RRP9: variants seen among roughly 807,000 people sequenced by gnomAD.
RRP9 encodes the protein ribosomal RNA processing 9, U3 small nucleolar RNA binding protein.
Under a neutral mutation model 65.5 loss-of-function variants are expected in RRP9, and 35 were observed. The observed-to-expected ratio is 0.53, with a 90% CI of 0.41 to 0.71. The LOEUF is 0.71. Among genes scored for constraint, RRP9 ranks in the 30% least tolerant of loss-of-function variants. The probability of loss-of-function intolerance (pLI) is 0.00; values close to 1 mark genes in which losing one functional copy is unlikely to be tolerated. For synonymous variants in RRP9, 254 were observed against 245.0 expected, an observed-to-expected ratio of 1.04 and a Z score of -0.34; for missense variants, 533 against 633.6, an observed-to-expected ratio of 0.84 and a Z score of 1.70.
At chr3:51,941,261 G>T in intron 2 of RRP9, 148 bp downstream of exon 2, 1 of 734,604 alleles carries the variant, frequency 1.4e-6, no homozygotes, top group Non-Finnish European at 2.3e-6. Flanking sequence ...AGACTTTGCA[G>T]GACCAGAAAC....
In RRP9 at chr3:51,934,586, C is replaced by T. The variant is rs373727974; in HGVS notation, c.1181-35G>A. The stretch of plus-strand genomic sequence containing the variant: ...CTGGAACAGTGAGCAACCCCTGCAC[C>T]GGCCCACCCGGCGACCCCTCCTCCC... On this transcript the variant is annotated intron_variant, in intron 12 of 14. Transcript: ENST00000232888. The surrounding 1 kb of genome is among the most constrained non-coding windows in gnomAD (Gnocchi z 4.1). 1.0e-4 allele frequency: 164 copies of T among 1,613,528 alleles called. No homozygotes were observed. The highest frequency in any genetic ancestry group is 5.0e-4 in the Middle Eastern group (3 of 6,058).
chr3:51,933,754 A>G lies in RRP9; in HGVS notation c.1288T>C (p.Ser430Pro). ...GCCACCAGGAAGTCCCCAGAGCTGGAGAACTTGAGGCTGTTGATAAAACCC... is the reference window on the plus strand; with the variant it reads ...GCCACCAGGAAGTCCCCAGAGCTGGGGAACTTGAGGCTGTTGATAAAACCC... ...LVGFINSLKFSSSGDFLVAGV... is the reference protein window; with the variant it reads ...LVGFINSLKFPSSGDFLVAGV... The change falls in exon 14 of 15, where the codon TCC becomes CCC. Residue 430 changes from serine to proline, a missense_variant. Ser to Pro is a moderately conservative substitution (Grantham distance 74). Transcript: ENST00000232888. The G allele has an allele frequency of 6.2e-7, 1 of 1,614,104 alleles. No individual in the cohort carries two copies. The highest frequency in any genetic ancestry group is 8.5e-7 in the Non-Finnish European group (1 of 1,180,016).
intron 3 of RRP9, 63 bp downstream of exon 3, chr3:51,938,032 C>CAAGT: frequency 7.4e-7 from 1 of 1,345,566 alleles, no homozygotes; most frequent in African/African-American, 1.5e-5. Context: ...GGGGCTGCAG[C>CAAGT]GGCGGGCAGC....
chr3:51,935,678 G>T lies in RRP9; in HGVS notation c.750C>A (p.Arg250=). 1 of 1,614,110 alleles carries T rather than the reference G, an allele frequency of 6.2e-7. No individual in the cohort carries two copies. Among genetic ancestry groups the T allele is most frequent in the Non-Finnish European group, 8.5e-7 (1 of 1,179,980 alleles). ...HRDAVSGLAF[R]RGTHQLYSTS... ...TGCTGTAGAGCTGGTGGGTGCCTCTGCGGAATGCCAGACCCTAAGGGTGCA... is the reference window on the plus strand; with the variant it reads ...TGCTGTAGAGCTGGTGGGTGCCTCTTCGGAATGCCAGACCCTAAGGGTGCA... The change falls in exon 9 of 15, where the codon CGC becomes CGA. Residue 250 remains arginine, a synonymous_variant. Coordinates refer to ENST00000232888, the MANE Select transcript of RRP9 (RefSeq NM_004704.5).
Position 51,935,460 on chromosome 3 carries a change from C to T in RRP9, c.853G>A (p.Ala285Thr), listed in dbSNP as rs771038342. Residue 285 changes from alanine to threonine, a missense_variant, in exon 10 of 15, where the codon GCT becomes ACT. Transcript: ENST00000232888. ...YVETLFGHQD[A>T]VAALDALSRE... The stretch of plus-strand genomic sequence containing the variant: ...CTCAAGGCATCCAGTGCAGCCACAG[C>T]GTCCTGGTGTCCGAAGCTAGAGGGC... 1.9e-6 allele frequency: 3 copies of T among 1,614,046 alleles called. No homozygotes were observed. Among genetic ancestry groups the T allele is most frequent in the East Asian group, 2.2e-5 (1 of 44,882 alleles).
chr3:51,937,999 T>C lies in RRP9; in HGVS notation c.280+96A>G, dbSNP rs1699478442. 3 of 1,118,824 alleles carry C rather than the reference T, an allele frequency of 2.7e-6. No homozygotes were observed. In the East Asian group the frequency reaches 7.1e-5, roughly 26 times the overall value. 69.3% of individuals were successfully genotyped at this position (1,118,824 alleles called of 1,614,324 possible). On this transcript the variant is annotated intron_variant, in intron 3 of 14. Transcript: ENST00000232888. The surrounding 1 kb of genome is among the most constrained non-coding windows in gnomAD (Gnocchi z 5.0). ...AGCCTGGGCACCCACTGGGAATCCA[T>C]GTCAGTCACCCATCAAGTGGCTGGG... is the stretch of plus-strand genomic sequence containing the variant.
At chr3:51,933,685 G>A (rs1026466407) in intron 14 of RRP9, 23 bp downstream of exon 14, 3 of 1,613,462 alleles carry the variant, frequency 1.9e-6, no homozygotes, top group Non-Finnish European at 2.5e-6. Flanking sequence ...CACCTTACCT[G>A]AACCCTCGAG....
intron 2 of RRP9, among the ~76,000 whole-genome samples, chr3:51,941,202 C>T (rs553085839): frequency 1.3e-5 from 2 of 152,212 alleles, no homozygotes; most frequent in Non-Finnish European, 2.9e-5. Flanking sequence ...TCTCAATGGC[C>T]TCGGATTGGG....
intron 2 of RRP9, among the ~76,000 whole-genome samples, chr3:51,940,528 GT>G (rs530873019): frequency 2.7e-5 from 4 of 150,848 alleles, no homozygotes; most frequent in African/African-American, 9.7e-5. Flanking sequence ...TTTGTGTGTG[GT>G]TTTTTTTTAG....
At chr3:51,936,144 C>A in intron 8 of RRP9, 113 bp downstream of exon 8, 2 of 983,088 alleles carry the variant, frequency 2.0e-6, no homozygotes, top group Non-Finnish European at 3.2e-6. Context: ...GCTACCCACT[C>A]GCTACCCCAG....
In RRP9 at chr3:51,934,759, C is replaced by A. The variant is rs200319255; in HGVS notation, c.1052G>T (p.Gly351Val). Residue 351 changes from glycine (G) to valine (V), a missense_variant, in exon 12 of 15, where the codon GGT becomes GTT. By Grantham distance (109) the Gly-to-Val change is moderately radical. Coordinates refer to ENST00000232888, the MANE Select transcript of RRP9 (RefSeq NM_004704.5). This position sits in a 1 kb window ranked among gnomAD's most constrained non-coding sequence, Gnocchi z 4.1. ...GGCAAGTGGTCGCTTCTTGGAGAGA[C>A]CCCACAAGGCCACAGAGCTATAAAC... Reference protein sequence around the residue: ...GADDGSVALWGLSKKRPLALQ... With the variant: ...GADDGSVALWVLSKKRPLALQ... 2.2e-4 allele frequency: 359 copies of A among 1,613,584 alleles called. 1 individual carries two copies. The Middle Eastern group carries it at 2.3e-3, about 10-fold the overall frequency.
At chr3:51,939,220 G>T (rs575798275) in intron 2 of RRP9, among the ~76,000 whole-genome samples, 59 of 152,288 alleles carry the variant, frequency 3.9e-4, no homozygotes, top group Non-Finnish European at 4.4e-5. Context: ...AAACTCTCAG[G>T]AAAGCCAAAG....
In RRP9 at chr3:51,941,899, G is replaced by A. The variant is rs375980602; in HGVS notation, c.-32C>T. 2.0e-5 allele frequency: 31 copies of A among 1,537,992 alleles called. No individual in the cohort carries two copies. Among genetic ancestry groups the A allele is most frequent in the Non-Finnish European group, 2.7e-5 (31 of 1,143,980 alleles). ...CACCAGGCGTGTAGCAGCGGCCGCA[G>A]AACTCACGTGGCAGCTGAACCCTCC... On this transcript the variant is annotated 5_prime_UTR_variant, in exon 1 of 15. Coordinates refer to ENST00000232888, the MANE Select transcript of RRP9 (RefSeq NM_004704.5).
chr3:51,934,766 A>G lies in RRP9; in HGVS notation c.1045T>C (p.Leu349=), dbSNP rs759477287. ...GGTCGCTTCTTGGAGAGACCCCACAAGGCCACAGAGCTATAAACAGGGAGG... is the reference window on the plus strand; with the variant it reads ...GGTCGCTTCTTGGAGAGACCCCACAGGGCCACAGAGCTATAAACAGGGAGG... ...VSGADDGSVA[L]WGLSKKRPLA... The change falls in exon 12 of 15, where the codon TTG becomes CTG. Residue 349 remains leucine, a synonymous_variant. Transcript: ENST00000232888. This position sits in a 1 kb window ranked among gnomAD's most constrained non-coding sequence, Gnocchi z 4.1. 30 of 1,613,600 alleles carry G rather than the reference A, an allele frequency of 1.9e-5. No individual in the cohort carries two copies. Among genetic ancestry groups the G allele is most frequent in the East Asian group, 8.9e-5 (4 of 44,874 alleles).
Position 51,935,492 on chromosome 3 carries a change from G to A in RRP9, c.837-16C>T, listed in dbSNP as rs1157076652. The A allele has an allele frequency of 1.2e-6, 2 of 1,613,980 alleles. No individual in the cohort carries two copies. Among genetic ancestry groups the A allele is most frequent in the Non-Finnish European group, 1.7e-6 (2 of 1,180,038 alleles). On this transcript the variant is annotated splice_polypyrimidine_tract_variant and intron_variant, in intron 9 of 14. Coordinates refer to ENST00000232888, the MANE Select transcript of RRP9 (RefSeq NM_004704.5). ...GTGTCCGAAGCTAGAGGGCCGGGCA[G>A]AGCAGGATAGTGGGGATAGGGGTAC... is the stretch of plus-strand genomic sequence containing the variant.
intron 2 of RRP9, among the ~76,000 whole-genome samples, chr3:51,940,967 A>G (rs1699515752): frequency 6.6e-6 from 1 of 152,110 alleles, no homozygotes; most frequent in Admixed American, 6.5e-5. Flanking sequence ...ACACACAACT[A>G]TAAAATACAC....
chr3:51,933,832 C>A lies in RRP9; in HGVS notation c.1261-51G>T, dbSNP rs757095230. 6 of 1,543,760 alleles carry A rather than the reference C, an allele frequency of 3.9e-6. No individual in the cohort carries two copies. In the South Asian group the frequency reaches 5.6e-5, roughly 14 times the overall value. ...ACATTAGAACGCCCCCCGCCACCACCGTCCTCAGCATCACAGTCAAGGGCT... is the reference window on the plus strand; with the variant it reads ...ACATTAGAACGCCCCCCGCCACCACAGTCCTCAGCATCACAGTCAAGGGCT... On this transcript the variant is annotated intron_variant, in intron 13 of 14. Transcript: ENST00000232888.
intron 2 of RRP9, 101 bp from the exon 3 acceptor site, chr3:51,938,305 T>G: frequency 2.5e-6 from 2 of 803,314 alleles, no homozygotes; most frequent in Non-Finnish European, 4.0e-6. Context: ...ACCTCCCCTA[T>G]TCCCTGCTAG....
intron 8 of RRP9, 102 bp from the exon 9 acceptor site, chr3:51,935,794 G>A: frequency 7.9e-6 from 7 of 883,564 alleles, no homozygotes; most frequent in Middle Eastern, 2.4e-4. Flanking sequence ...CATGTGGCAC[G>A]TGCTGTGAGG....
Sources: gnomAD v4.1 joint callset for allele counts (sites outside exome capture counted in the v4.1 genomes callset) on GRCh38, gnomAD v4.1.1 for gene constraint, Gnocchi (gnomAD v3.1) non-coding constraint, MANE v1.5 for transcripts, NCBI Gene and HGNC (gene_info 2026-07-23, HGNC 2026-07-21) for gene names.